Variants in GPR139 observed in about 807,000 individuals in gnomAD.
GPR139 encodes the protein G protein-coupled receptor 139.
Under a neutral mutation model 25.8 loss-of-function variants are expected in GPR139, and 12 were observed. The ratio of observed to expected loss-of-function variants is 0.47; its 90% confidence interval spans 0.30 to 0.75. GPR139 has a LOEUF of 0.75. GPR139 is among the 30% of genes least tolerant of loss of function. The pLI is 0.07. For synonymous variants in GPR139, 184 were observed against 179.9 expected, an observed-to-expected ratio of 1.02 and a Z score of -0.18; for missense variants, 380 against 450.2, an observed-to-expected ratio of 0.84 and a Z score of 1.41.
At chr16:20,044,970 C>G (rs567101447) in intron 1 of GPR139, among the ~76,000 whole-genome samples, 215 of 150,328 alleles carry the variant, frequency 1.4e-3, no homozygotes, top group African/African-American at 5.0e-3. Context: ...ATTTGGCTCA[C>G]TTGCCAGAGG....
At chr16:20,054,869 A>G (rs997551522) in intron 1 of GPR139, among the ~76,000 whole-genome samples, 23 of 152,138 alleles carry the variant, frequency 1.5e-4, no homozygotes, top group African/African-American at 5.6e-4. Flanking sequence ...CTGGGACTAC[A>G]GGTGCACACC....
chr16:20,073,829 G>C lies in GPR139; in HGVS notation c.-213C>G, dbSNP rs2057472181. 1 of 575,520 alleles carries C rather than the reference G, an allele frequency of 1.7e-6. No homozygotes were observed. The highest frequency in any genetic ancestry group is 2.8e-6 in the Non-Finnish European group (1 of 359,750). 35.7% of individuals were successfully genotyped at this position (575,520 alleles called of 1,614,324 possible). A position where few individuals can be genotyped will look rare whatever the true frequency, so the allele number is the denominator to read the frequency against. ...TTGGCTCAGCCCTCCCGCAGGGCGC[G>C]GGGCGCAGGGTGCGGGGCGCGCTGC... is the stretch of plus-strand genomic sequence containing the variant. On this transcript the variant is annotated 5_prime_UTR_variant, in exon 1 of 2. Coordinates refer to ENST00000570682, the MANE Select transcript of GPR139 (RefSeq NM_001002911.4). This position sits in a 1 kb window ranked among gnomAD's most constrained non-coding sequence, Gnocchi z 4.7.
intron 1 of GPR139, among the ~76,000 whole-genome samples, chr16:20,065,402 T>C (rs1194784509): frequency 6.6e-6 from 1 of 152,174 alleles, no homozygotes; most frequent in African/African-American, 2.4e-5. Context: ...CTCGACCTGG[T>C]CTGAATGTTG....
chr16:20,062,362 T>C (rs1454241546), intron 1 of GPR139, among the ~76,000 whole-genome samples: 3 of 152,130 alleles, frequency 2.0e-5, no homozygotes, highest in Non-Finnish European at 4.4e-5. Context: ...CGTGAGAGGA[T>C]ACAACAAGTC....
chr16:20,067,803 T>TC (rs1248747231), intron 1 of GPR139, among the ~76,000 whole-genome samples: 3 of 12,310 alleles, frequency 2.4e-4, no homozygotes, highest in African/African-American at 1.6e-3. Flanking sequence ...AAACTCCATC[T>TC]CAAAAAAAAA....
Position 20,030,510 on chromosome 16 carries a change from G to C in GPR139, c.*1225C>G, listed in dbSNP as rs1426814271. ...TACATCCTAGAAATGTTCTTGCCTT[G>C]GACAGGCAAGGGTAGAATAAATAAA... On this transcript the variant is annotated 3_prime_UTR_variant, in exon 2 of 2. Coordinates refer to ENST00000570682, the MANE Select transcript of GPR139 (RefSeq NM_001002911.4). Among the ~76,000 whole-genome samples, 1 of 152,310 alleles carries C rather than the reference G, an allele frequency of 6.6e-6. No individual in the cohort carries two copies. Among genetic ancestry groups the C allele is most frequent in the East Asian group, 1.9e-4 (1 of 5,170 alleles).
chr16:20,067,221 C>T (rs1043060756), intron 1 of GPR139, among the ~76,000 whole-genome samples: 5 of 152,166 alleles, frequency 3.3e-5, no homozygotes, highest in Admixed American at 6.5e-5. Context: ...CAAAGCCAGC[C>T]CAGGCAGCCT....
chr16:20,031,265 T>G lies in GPR139; in HGVS notation c.*470A>C, dbSNP rs2057286639. Among the ~76,000 whole-genome samples the G allele has an allele frequency of 6.6e-6, 1 of 151,942 alleles. No homozygotes were observed. Among genetic ancestry groups the G allele is most frequent in the African/African-American group, 2.4e-5 (1 of 41,340 alleles). ...GGGCACCTTGAAAAAAATCCTGAAA[T>G]AGTCATTATTGTTAGCTCCTGGGAA... On this transcript the variant is annotated 3_prime_UTR_variant, in exon 2 of 2. Coordinates refer to ENST00000570682, the MANE Select transcript of GPR139 (RefSeq NM_001002911.4).
intron 1 of GPR139, among the ~76,000 whole-genome samples, chr16:20,066,820 C>T (rs1051733467): frequency 3.9e-5 from 6 of 152,178 alleles, no homozygotes; most frequent in Non-Finnish European, 8.8e-5. Flanking sequence ...TTCATTTAAT[C>T]CTCAAAACAG....
intron 1 of GPR139, among the ~76,000 whole-genome samples, chr16:20,043,852 C>T (rs1375364225): frequency 6.6e-6 from 1 of 152,150 alleles, no homozygotes; most frequent in Non-Finnish European, 1.5e-5. Flanking sequence ...GGCTCTCCAG[C>T]AAACAATGAG....
intron 1 of GPR139, among the ~76,000 whole-genome samples, chr16:20,061,986 G>A (rs2057415914): frequency 6.6e-6 from 1 of 152,190 alleles, no homozygotes; most frequent in Admixed American, 6.5e-5. Flanking sequence ...GGGCATTGTA[G>A]GCCAGGTGCA....
intron 1 of GPR139, among the ~76,000 whole-genome samples, chr16:20,068,684 G>T (rs1438721338): frequency 6.6e-6 from 1 of 152,068 alleles, no homozygotes; most frequent in Non-Finnish European, 1.5e-5. Flanking sequence ...TCCTTGCCTT[G>T]TTCTAGATCT....
At chr16:20,071,734 G>C (rs1186946006) in intron 1 of GPR139, among the ~76,000 whole-genome samples, 1 of 152,168 alleles carries the variant, frequency 6.6e-6, no homozygotes, top group Non-Finnish European at 1.5e-5. Flanking sequence ...CTTCCACCTT[G>C]AGGTCTTTAA....
chr16:20,043,656 G>C (rs1421268018), intron 1 of GPR139, among the ~76,000 whole-genome samples: 1 of 152,164 alleles, frequency 6.6e-6, no homozygotes, highest in Non-Finnish European at 1.5e-5. Context: ...TATTCAGAGA[G>C]GGTAAGCCAC....
intron 1 of GPR139, among the ~76,000 whole-genome samples, chr16:20,067,436 T>C (rs1596472050): frequency 6.6e-6 from 1 of 152,238 alleles, no homozygotes; most frequent in East Asian, 1.9e-4. Context: ...ACAGGAGTCC[T>C]ATGGTCAAAT....
At chr16:20,071,156 A>G (rs1435999819) in intron 1 of GPR139, 1 of 201,036 alleles carries the variant, frequency 5.0e-6, no homozygotes, top group Non-Finnish European at 8.9e-6. Context: ...CATAATTCCC[A>G]TTTTACTGCT....
chr16:20,046,893 A>T (rs1256600975), intron 1 of GPR139, among the ~76,000 whole-genome samples: 1 of 152,008 alleles, frequency 6.6e-6, no homozygotes, highest in South Asian at 2.1e-4. Flanking sequence ...ACATAGTGAG[A>T]CCCCATATCT....
chr16:20,044,994 A>ATT lies in GPR139; in HGVS notation c.128-12327_128-12326dup, dbSNP rs10581585. ...ACTTGCCAGAGGTTTCACTTGCACTATTTTTTTTTTTTTTTTTTTTTTTTA... is the reference window on the plus strand; with the variant it reads ...ACTTGCCAGAGGTTTCACTTGCACTATTTTTTTTTTTTTTTTTTTTTTTTTTA... On this transcript the variant is annotated intron_variant, in intron 1 of 1. Transcript: ENST00000570682. Among the ~76,000 whole-genome samples the ATT allele has an allele frequency of 8.1e-5, 7 of 86,284 alleles. 1 individual carries two copies. The highest frequency in any genetic ancestry group is 1.9e-4 in the African/African-American group (4 of 20,716). 56.6% of individuals were successfully genotyped at this position (86,284 alleles called of 152,430 possible).
chr16:20,070,918 G>A (rs1349403654), intron 1 of GPR139: 1 of 984,540 alleles, frequency 1.0e-6, no homozygotes, highest in Non-Finnish European at 1.2e-6. Context: ...AGAGTTACAT[G>A]CTGACCTGAA....
Sources: gnomAD v4.1 joint callset for allele counts (sites outside exome capture counted in the v4.1 genomes callset) on GRCh38, gnomAD v4.1.1 for gene constraint, Gnocchi (gnomAD v3.1) non-coding constraint, MANE v1.5 for transcripts, NCBI Gene and HGNC (gene_info 2026-07-23, HGNC 2026-07-21) for gene names.